The following COL28A1 variants were observed in gnomAD, a reference collection of about 807,000 sequenced individuals.
COL28A1 encodes collagen type XXVIII alpha 1 chain.
In COL28A1, 161 loss-of-function variants were observed where a neutral mutation model predicts 150.2. The observed-to-expected ratio is 1.07, with a 90% CI of 0.94 to 1.22. The LOEUF is 1.22. Among genes scored for constraint, COL28A1 ranks in the 50% most tolerant of loss-of-function variants. COL28A1 has a pLI of 0.00. For synonymous variants in COL28A1, 552 were observed against 469.7 expected (o/e 1.18, Z -2.26); for missense variants, 1,617 against 1,388.3 (o/e 1.16, Z -2.62).
intron 11 of COL28A1, among the ~76,000 whole-genome samples, chr7:7,492,562 G>C (rs1463795154): frequency 7.1e-6 from 1 of 141,706 alleles, no homozygotes; most frequent in African/African-American, 2.6e-5. Flanking sequence ...TCCAGCTTTG[G>C]CAACAGAGTG....
intron 2 of COL28A1, among the ~76,000 whole-genome samples, 153 bp downstream of exon 2, chr7:7,532,599 A>G (rs1379959501): frequency 6.6e-6 from 1 of 152,164 alleles, no homozygotes; most frequent in Non-Finnish European, 1.5e-5. Flanking sequence ...ATAAGTATGT[A>G]AGGTATATTA....
chr7:7,416,882 TAAG>T (rs1263749039), intron 27 of COL28A1, among the ~76,000 whole-genome samples: 4 of 152,186 alleles, frequency 2.6e-5, no homozygotes, highest in Admixed American at 1.3e-4. Flanking sequence ...TCCTACTGAC[TAAG>T]AAGTTCTGCT....
intron 27 of COL28A1, among the ~76,000 whole-genome samples, chr7:7,385,067 G>T (rs990197364): frequency 3.3e-5 from 5 of 152,218 alleles, no homozygotes; most frequent in African/African-American, 1.2e-4. Flanking sequence ...GTGATATGCA[G>T]GACTGCAGGC....
chr7:7,350,996 A>G, the COL28A1 span, among the ~76,000 whole-genome samples: 2 of 152,124 alleles, frequency 1.3e-5, no homozygotes, highest in Admixed American at 1.3e-4. Context: ...TATGCAATCC[A>G]CAAGTCTCAA....
chr7:7,498,927 C>G (rs930295125), intron 11 of COL28A1, among the ~76,000 whole-genome samples: 19 of 152,172 alleles, frequency 1.2e-4, no homozygotes, highest in Admixed American at 5.9e-4. Flanking sequence ...CACACACACA[C>G]AGAGTATATA....
Position 7,433,747 on chromosome 7 carries a change from TTGA to T in COL28A1, c.1861-1050_1861-1048del, listed in dbSNP as rs1381043747. On this transcript the variant is annotated intron_variant, in intron 23 of 34. Transcript: ENST00000399429. Reference sequence around the variant, plus strand: ...ACTGATCTGTTACACCGATCTGTTGTTGATGACTCTTACAACAGCCCTTGTCAA... The same window carrying T: ...ACTGATCTGTTACACCGATCTGTTGTTGACTCTTACAACAGCCCTTGTCAA... 2.6e-5 allele frequency among the ~76,000 whole-genome samples: 4 copies of T among 152,308 alleles called. No individual in the cohort carries two copies. The South Asian group carries it at 6.2e-4, about 24-fold the overall frequency.
intron 15 of COL28A1, among the ~76,000 whole-genome samples, chr7:7,473,167 A>T (rs1313128754): frequency 6.6e-6 from 1 of 152,212 alleles, no homozygotes; most frequent in African/African-American, 2.4e-5. Flanking sequence ...AAAAACAAAG[A>T]TAAATAGCTG....
intron 27 of COL28A1, among the ~76,000 whole-genome samples, chr7:7,412,583 A>G (rs1459971199): frequency 6.6e-6 from 1 of 152,120 alleles, no homozygotes; most frequent in Admixed American, 6.5e-5. Flanking sequence ...TTCCATATAT[A>G]TAACCATGTA....
At chr7:7,482,938 AAGGCT>A (rs1779425922) in intron 13 of COL28A1, among the ~76,000 whole-genome samples, 1 of 152,194 alleles carries the variant, frequency 6.6e-6, no homozygotes, top group Admixed American at 6.5e-5. Flanking sequence ...TGGTGGGAAG[AAGGCT>A]AGGAAATTTA....
At position 7,457,433 on chromosome 7, in the gene COL28A1, C is replaced by G. The variant is rs762849307; in HGVS notation, c.1303-1321G>C. On this transcript the variant is annotated intron_variant, in intron 15 of 34. Coordinates refer to ENST00000399429, the MANE Select transcript of COL28A1 (RefSeq NM_001037763.3). ...GTTGTCATTGACTGAGAAGAAAAAG[C>G]CTGAGAGAAAAGCAAGGTTTGAGGT... is the stretch of plus-strand genomic sequence containing the variant. Among the ~76,000 whole-genome samples, 3 of 152,062 alleles carry G rather than the reference C, an allele frequency of 2.0e-5. No homozygotes were observed. In the South Asian group the frequency reaches 6.2e-4, roughly 32 times the overall value.
intron 19 of COL28A1, 137 bp from the exon 20 acceptor site, chr7:7,443,790 A>C: frequency 3.9e-6 from 5 of 1,275,918 alleles, no homozygotes; most frequent in Non-Finnish European, 4.1e-6. Context: ...CTCTAGTCTC[A>C]AAATCAATTT....
intron 27 of COL28A1, among the ~76,000 whole-genome samples, chr7:7,391,282 C>T (rs557509018): frequency 2.6e-4 from 39 of 152,180 alleles, no homozygotes; most frequent in African/African-American, 8.7e-4. Flanking sequence ...TGTAGATGTG[C>T]GGTTTTGAGT....
At chr7:7,393,103 C>A (rs1012184480) in intron 27 of COL28A1, among the ~76,000 whole-genome samples, 1 of 152,174 alleles carries the variant, frequency 6.6e-6, no homozygotes, top group African/African-American at 2.4e-5. Flanking sequence ...GATTTATCTA[C>A]CTTTGTTCTT....
At chr7:7,378,498 A>G (rs1781689490) in intron 30 of COL28A1, among the ~76,000 whole-genome samples, 1 of 152,180 alleles carries the variant, frequency 6.6e-6, no homozygotes, top group Non-Finnish European at 1.5e-5. Flanking sequence ...AGATGTATTA[A>G]AACATTTAGT....
At chr7:7,518,097 T>A (rs1030773982) in intron 6 of COL28A1, among the ~76,000 whole-genome samples, 2 of 152,176 alleles carry the variant, frequency 1.3e-5, no homozygotes, top group East Asian at 3.9e-4. Flanking sequence ...CACATCCCAG[T>A]TGAACAACAC....
intron 14 of COL28A1, 131 bp downstream of exon 14, chr7:7,476,981 T>A (rs1788940573): frequency 1.6e-6 from 1 of 612,382 alleles, no homozygotes; most frequent in Non-Finnish European, 2.9e-6. Flanking sequence ...ACATATTCCT[T>A]CATTAAATGG....
intron 34 of COL28A1, among the ~76,000 whole-genome samples, chr7:7,359,662 C>T (rs1780536756): frequency 6.6e-6 from 1 of 152,132 alleles, no homozygotes; most frequent in Admixed American, 6.5e-5. Context: ...CTTTATTTTG[C>T]AATAGCTAAA....
At chr7:7,455,840 T>C (rs910274051) in intron 16 of COL28A1, among the ~76,000 whole-genome samples, 1 of 152,228 alleles carries the variant, frequency 6.6e-6, no homozygotes, top group African/African-American at 2.4e-5. Context: ...ACACTACTTA[T>C]TTTTTAAGCC....
rs1005640495 is a variant in COL28A1 at position 7,520,121 on chromosome 7, G to C, written c.760-6C>G. 1 of 1,230,632 alleles carries C rather than the reference G, an allele frequency of 8.1e-7. No homozygotes were observed. The highest frequency in any genetic ancestry group is 1.2e-6 in the Non-Finnish European group (1 of 834,584). 76.2% of individuals were successfully genotyped at this position (1,230,632 alleles called of 1,614,324 possible). On this transcript the variant is annotated splice_region_variant and splice_polypyrimidine_tract_variant and intron_variant, in intron 5 of 34. Transcript: ENST00000399429. ...CCTGGATTTCCATGTGTACCCTGAA[G>C]GCAAAGGGAAAAAATATTATTTTAA...
Sources: gnomAD v4.1 joint callset for allele counts (sites outside exome capture counted in the v4.1 genomes callset) on GRCh38, gnomAD v4.1.1 for gene constraint, MANE v1.5 for transcripts, NCBI Gene and HGNC (gene_info 2026-07-23, HGNC 2026-07-21) for gene names.